CATSPERB: variants seen among roughly 807,000 people sequenced by gnomAD.
CATSPERB encodes the protein cation channel sperm-associated auxiliary subunit beta.
CATSPERB carries 93 observed loss-of-function variants against 128.3 expected under a neutral mutation model. The observed-to-expected ratio is 0.72, with a 90% CI of 0.61 to 0.86. The LOEUF is 0.86. Among genes scored for constraint, CATSPERB ranks in the 40% least tolerant of loss-of-function variants. The pLI is 0.00. For missense variants in CATSPERB, 1,153 were observed against 1,329.5 expected, an observed-to-expected ratio of 0.87 and a Z score of 2.06; for synonymous variants, 381 against 448.8, an observed-to-expected ratio of 0.85 and a Z score of 1.91.
chr14:91,665,129 G>A (rs1894960811), intron 14 of CATSPERB, among the ~76,000 whole-genome samples: 1 of 152,074 alleles, frequency 6.6e-6, no homozygotes, highest in African/African-American at 2.4e-5. Flanking sequence ...CTGAGCTCAG[G>A]CAATCCACTC....
intron 7 of CATSPERB, among the ~76,000 whole-genome samples, chr14:91,698,326 A>G (rs1346535736): frequency 1.3e-5 from 2 of 152,174 alleles, no homozygotes; most frequent in Non-Finnish European, 2.9e-5. Flanking sequence ...GTCGGCAAAG[A>G]GAGAGAGTTT....
intron 5 of CATSPERB, among the ~76,000 whole-genome samples, chr14:91,715,792 G>A (rs960325128): frequency 2.6e-5 from 4 of 152,104 alleles, no homozygotes; most frequent in African/African-American, 9.7e-5. Flanking sequence ...AATCAAGACA[G>A]TATAGTATTG....
intron 22 of CATSPERB, among the ~76,000 whole-genome samples, chr14:91,604,247 AC>A (rs1429723266): frequency 3.3e-5 from 5 of 151,864 alleles, no homozygotes; most frequent in Admixed American, 6.6e-5. Flanking sequence ...CTCCAACCAT[AC>A]CCCACCCTCC....
intron 17 of CATSPERB, chr14:91,635,961 C>T (rs1232650178): frequency 1.3e-5 from 2 of 153,312 alleles, no homozygotes; most frequent in South Asian, 4.1e-4. Flanking sequence ...ATTGGGGCAG[C>T]ATGCAAGACA....
At chr14:91,682,373 T>C (rs1008393584) in intron 11 of CATSPERB, among the ~76,000 whole-genome samples, 12 of 152,054 alleles carry the variant, frequency 7.9e-5, no homozygotes, top group Non-Finnish European at 2.9e-5. Flanking sequence ...AGGTAATAGG[T>C]CAAGCACCAC....
chr14:91,587,957 A>G (rs1307050516), intron 25 of CATSPERB, 21 bp downstream of exon 25: 1 of 1,502,064 alleles, frequency 6.7e-7, no homozygotes, highest in African/African-American at 1.4e-5. Context: ...AACACAGTAA[A>G]AACAACAATG....
At chr14:91,651,348 C>T (rs1188013781) in intron 15 of CATSPERB, among the ~76,000 whole-genome samples, 1 of 152,182 alleles carries the variant, frequency 6.6e-6, no homozygotes, top group Non-Finnish European at 1.5e-5. Flanking sequence ...TGCCATCTAT[C>T]TATCTTATCC....
intron 9 of CATSPERB, among the ~76,000 whole-genome samples, 164 bp downstream of exon 9, chr14:91,692,962 A>G (rs1895496350): frequency 6.6e-6 from 1 of 152,156 alleles, no homozygotes; most frequent in African/African-American, 2.4e-5. Flanking sequence ...ATTCAATACT[A>G]CGAGGTAAAG....
At chr14:91,675,940 T>A (rs368939211) in intron 11 of CATSPERB, among the ~76,000 whole-genome samples, 8 of 152,186 alleles carry the variant, frequency 5.3e-5, no homozygotes, top group African/African-American at 1.7e-4. Context: ...ACTTACGGTT[T>A]TCAATGTTAT....
At chr14:91,609,537 C>T (rs1470546905) in intron 21 of CATSPERB, among the ~76,000 whole-genome samples, 1 of 152,152 alleles carries the variant, frequency 6.6e-6, no homozygotes, top group Non-Finnish European at 1.5e-5. Flanking sequence ...TGTATCTTTA[C>T]ATTTGCTTAC....
At chr14:91,589,021 G>A (rs908075737) in intron 24 of CATSPERB, among the ~76,000 whole-genome samples, 2 of 152,146 alleles carry the variant, frequency 1.3e-5, no homozygotes, top group Non-Finnish European at 2.9e-5. Context: ...CACAAAATGT[G>A]CAACAAAAAG....
At chr14:91,602,676 C>T (rs368283994) in intron 22 of CATSPERB, among the ~76,000 whole-genome samples, 1 of 152,036 alleles carries the variant, frequency 6.6e-6, no homozygotes, top group East Asian at 1.9e-4. Context: ...AATACTTATT[C>T]CTTATCAGAA....
At chr14:91,726,577 G>T (rs1053083848) in intron 2 of CATSPERB, among the ~76,000 whole-genome samples, 15 of 152,200 alleles carry the variant, frequency 9.9e-5, no homozygotes, top group African/African-American at 3.1e-4. Context: ...GTCCTCAAAG[G>T]TCTCTCTGAG....
At position 91,624,888 on chromosome 14, in the gene CATSPERB, G is replaced by T. The variant is rs184837865; in HGVS notation, c.1862C>A (p.Ser621Tyr). The T allele has an allele frequency of 1.0e-4, 164 of 1,612,458 alleles. 1 individual carries two copies. The Admixed American group carries it at 2.7e-3, about 27-fold the overall frequency. ...AATCAAAAGGGAACTAGACAAACAA[G>T]AGCTCTCATTCACTTCTTCTAATCC... ...PFGLEEVNESSCLSSSLLINK... is the reference protein window; with the variant it reads ...PFGLEEVNESYCLSSSLLINK... Residue 621 changes from serine to tyrosine, a missense_variant, in exon 18 of 27, where the codon TCT (serine) becomes TAT (tyrosine). Physicochemically the swap from Ser to Tyr is moderately radical, Grantham distance 144. Coordinates refer to ENST00000256343, the MANE Select transcript of CATSPERB (RefSeq NM_024764.4).
intron 22 of CATSPERB, among the ~76,000 whole-genome samples, chr14:91,602,459 T>C (rs2139769418): frequency 6.6e-6 from 1 of 152,226 alleles, no homozygotes; most frequent in South Asian, 2.1e-4. Flanking sequence ...TATGTATACA[T>C]AGATTAAGGG....
intron 15 of CATSPERB, among the ~76,000 whole-genome samples, chr14:91,653,161 G>T (rs1894737017): frequency 6.6e-6 from 1 of 152,172 alleles, no homozygotes; most frequent in Non-Finnish European, 1.5e-5. Flanking sequence ...CTGAAGATCA[G>T]AAGAAACTGG....
chr14:91,696,808 G>C (rs1182414326), intron 7 of CATSPERB, among the ~76,000 whole-genome samples: 1 of 152,194 alleles, frequency 6.6e-6, no homozygotes, highest in Non-Finnish European at 1.5e-5. Context: ...CAGAACACAA[G>C]GGCTGAGGGG....
chr14:91,591,886 T>A lies in CATSPERB; in HGVS notation c.2820+6A>T. 6.3e-7 allele frequency: 1 copy of A among 1,589,456 alleles called. No individual in the cohort carries two copies. The highest frequency in any genetic ancestry group is 8.6e-7 in the Non-Finnish European group (1 of 1,157,612). On this transcript the variant is annotated splice_donor_region_variant and intron_variant, in intron 23 of 26. Coordinates refer to ENST00000256343, the MANE Select transcript of CATSPERB (RefSeq NM_024764.4). ...CCTGTATTCAGGTAATTAGAAATGA[T>A]CTTACTTTTTCCCTGCAATCCGAGA...
chr14:91,703,376 C>T (rs1895681838), intron 7 of CATSPERB, among the ~76,000 whole-genome samples: 1 of 152,118 alleles, frequency 6.6e-6, no homozygotes, highest in Non-Finnish European at 1.5e-5. Flanking sequence ...TTTGTTATAA[C>T]ATTTGGTCTT....
Sources: gnomAD v4.1 joint callset for allele counts (sites outside exome capture counted in the v4.1 genomes callset) on GRCh38, gnomAD v4.1.1 for gene constraint, MANE v1.5 for transcripts, NCBI Gene and HGNC (gene_info 2026-07-23, HGNC 2026-07-21) for gene names.